The following KPNA4 variants were observed in gnomAD, a reference collection of about 807,000 sequenced individuals.
KPNA4 encodes the protein importin subunit alpha-3.
In KPNA4, 13 loss-of-function variants were observed where a neutral mutation model predicts 71.3. The observed-to-expected ratio is 0.18, with a 90% confidence interval of 0.12 to 0.29. The LOEUF (loss-of-function observed/expected upper bound fraction) is 0.29. KPNA4 is among the 10% of genes least tolerant of loss of function. KPNA4 has a pLI of 1.00. For missense variants in KPNA4, 334 were observed against 603.2 expected, an observed-to-expected ratio of 0.55 and a Z score of 4.67; for synonymous variants, 189 against 195.2, an observed-to-expected ratio of 0.97 and a Z score of 0.26.
intron 10 of KPNA4, among the ~76,000 whole-genome samples, chr3:160,522,246 T>A (rs191752172): frequency 1.3e-5 from 2 of 152,302 alleles, no homozygotes; most frequent in Admixed American, 6.5e-5. Flanking sequence ...TCCAAAAACA[T>A]TGTGGCTCAT....
At chr3:160,552,987 T>C (rs1225782414) in intron 1 of KPNA4, among the ~76,000 whole-genome samples, 1 of 151,982 alleles carries the variant, frequency 6.6e-6, no homozygotes, top group East Asian at 1.9e-4. Flanking sequence ...ATTTACTTTA[T>C]TATTATTATT....
intron 12 of KPNA4, 101 bp from the exon 13 acceptor site, chr3:160,514,282 C>G: frequency 1.4e-6 from 1 of 697,232 alleles, no homozygotes; most frequent in Non-Finnish European, 2.3e-6. Flanking sequence ...GATTTTACTA[C>G]GAAATGAGCT....
chr3:160,551,140 T>A (rs1219771524), intron 1 of KPNA4, among the ~76,000 whole-genome samples: 1 of 152,206 alleles, frequency 6.6e-6, no homozygotes, highest in African/African-American at 2.4e-5. Flanking sequence ...TTGGGAGATT[T>A]TAAATCTCCT....
chr3:160,538,786 A>G (rs1369995653), intron 1 of KPNA4, among the ~76,000 whole-genome samples: 1 of 152,118 alleles, frequency 6.6e-6, no homozygotes, highest in Non-Finnish European at 1.5e-5. Context: ...AACACACTGT[A>G]AAGTCTCTTG....
chr3:160,506,100 C>T (rs1360487173), intron 15 of KPNA4, among the ~76,000 whole-genome samples: 1 of 152,128 alleles, frequency 6.6e-6, no homozygotes, highest in East Asian at 1.9e-4. Context: ...GACTTTAAAT[C>T]TCCTCATCTC....
intron 1 of KPNA4, among the ~76,000 whole-genome samples, chr3:160,543,352 T>TGAGGCATACTGTA (rs1721844693): frequency 1.3e-5 from 2 of 152,108 alleles, no homozygotes; most frequent in Non-Finnish European, 2.9e-5. Flanking sequence ...TATCATTTTT[T>TGAGGCATACTGTA]TCCCCCGAGA....
chr3:160,543,250 C>A (rs763895814), intron 1 of KPNA4, among the ~76,000 whole-genome samples: 26 of 152,162 alleles, frequency 1.7e-4, no homozygotes, highest in Non-Finnish European at 2.4e-4. Flanking sequence ...TTAATGAAAT[C>A]ATAGGCAAGT....
intron 1 of KPNA4, among the ~76,000 whole-genome samples, chr3:160,540,941 A>G (rs980492517): frequency 1.3e-5 from 2 of 152,206 alleles, no homozygotes; most frequent in African/African-American, 4.8e-5. Flanking sequence ...ATTCAGGCAA[A>G]AGGGGATAAG....
chr3:160,558,681 T>C (rs946562908), intron 1 of KPNA4, among the ~76,000 whole-genome samples: 2 of 152,178 alleles, frequency 1.3e-5, no homozygotes, highest in Admixed American at 6.5e-5. Context: ...CACGGGCCCC[T>C]ATGTGGGTCC....
chr3:160,506,986 A>G (rs1336233302), intron 15 of KPNA4, among the ~76,000 whole-genome samples: 1 of 152,024 alleles, frequency 6.6e-6, no homozygotes, highest in Non-Finnish European at 1.5e-5. Context: ...TCACTTTTCA[A>G]CTTCTGTCAG....
intron 1 of KPNA4, among the ~76,000 whole-genome samples, chr3:160,555,895 G>C (rs904299713): frequency 6.6e-6 from 1 of 152,082 alleles, no homozygotes; most frequent in Admixed American, 6.5e-5. Context: ...GTAATGGCCC[G>C]ATCTCAGCTC....
intron 16 of KPNA4, 57 bp from the exon 17 acceptor site, chr3:160,502,259 G>C: frequency 1.1e-6 from 1 of 876,050 alleles, no homozygotes; most frequent in South Asian, 2.0e-5. Context: ...TATATAAACA[G>C]TATTATAGTA....
intron 14 of KPNA4, among the ~76,000 whole-genome samples, chr3:160,509,171 G>A (rs569213854): frequency 1.3e-5 from 2 of 152,220 alleles, no homozygotes; most frequent in African/African-American, 2.4e-5. Context: ...TCACCCGCAC[G>A]ACCTGAGAGT....
intron 11 of KPNA4, among the ~76,000 whole-genome samples, chr3:160,520,963 G>A (rs2108548430): frequency 6.6e-6 from 1 of 152,206 alleles, no homozygotes; most frequent in Non-Finnish European, 1.5e-5. Context: ...CTCACACTCT[G>A]TTTTTGGCTC....
intron 1 of KPNA4, among the ~76,000 whole-genome samples, chr3:160,555,243 GAA>G (rs1220132915): frequency 6.6e-6 from 1 of 152,160 alleles, no homozygotes; most frequent in African/African-American, 2.4e-5. Flanking sequence ...GACAGTGTAG[GAA>G]AAAGAGTTTT....
rs1215348747 is a variant in KPNA4 at position 160,498,414 on chromosome 3, T to C, written c.*3690A>G. 6.6e-6 allele frequency: 1 copy of C among 152,228 alleles called. No individual in the cohort carries two copies. The highest frequency in any genetic ancestry group is 1.5e-5 in the Non-Finnish European group (1 of 68,056). The allele number at this position is 152,228 out of a possible 1,614,324, so 9.4% of individuals were successfully genotyped here. A position where few individuals can be genotyped will look rare whatever the true frequency, so the allele number is the denominator to read the frequency against. On this transcript the variant is annotated 3_prime_UTR_variant, in exon 17 of 17. Coordinates refer to ENST00000334256, the MANE Select transcript of KPNA4 (RefSeq NM_002268.5). ...GATTCCCTGGTATACATACTCCATA[T>C]AACCCCCTCCCTTGACTGTGAACAG...
chr3:160,563,313 T>A (rs573066235), intron 1 of KPNA4, among the ~76,000 whole-genome samples: 1 of 152,258 alleles, frequency 6.6e-6, no homozygotes, highest in African/African-American at 2.4e-5. Flanking sequence ...ACAATTCCAT[T>A]TATATGGGAT....
intron 7 of KPNA4, among the ~76,000 whole-genome samples, chr3:160,528,989 G>T (rs1383843480): frequency 6.6e-6 from 1 of 152,144 alleles, no homozygotes; most frequent in Non-Finnish European, 1.5e-5. Flanking sequence ...GTTCAGTGGT[G>T]TCACCACAGG....
intron 1 of KPNA4, among the ~76,000 whole-genome samples, chr3:160,545,104 T>G (rs1721878808): frequency 6.6e-6 from 1 of 152,252 alleles, no homozygotes; most frequent in Non-Finnish European, 1.5e-5. Flanking sequence ...CTAGGTCTAC[T>G]TCTATTACAT....
Sources: gnomAD v4.1 joint callset for allele counts (sites outside exome capture counted in the v4.1 genomes callset) on GRCh38, gnomAD v4.1.1 for gene constraint, MANE v1.5 for transcripts, NCBI Gene and HGNC (gene_info 2026-07-23, HGNC 2026-07-21) for gene names.